KAZN: variants seen among roughly 807,000 people sequenced by gnomAD.
KAZN encodes kazrin.
In KAZN, 40 loss-of-function variants were observed where a neutral mutation model predicts 87.4. The ratio of observed to expected loss-of-function variants is 0.46; its 90% CI spans 0.36 to 0.60. The LOEUF is 0.60. Among genes scored for constraint, KAZN ranks in the 20% least tolerant of loss-of-function variants. The pLI, the probability that KAZN is intolerant of heterozygous loss-of-function variation, is 0.00. For synonymous variants in KAZN, 466 were observed against 458.3 expected, an observed-to-expected ratio of 1.02 and a Z score of -0.22; for missense variants, 898 against 1,073.9, an observed-to-expected ratio of 0.84 and a Z score of 2.29.
intron 1 of KAZN, among the ~76,000 whole-genome samples, chr1:13,925,539 A>G (rs1287684156): frequency 6.7e-6 from 1 of 150,130 alleles, no homozygotes; most frequent in Admixed American, 6.6e-5. Flanking sequence ...CCTGCGATAG[A>G]TTAAGGAATG....
intron 2 of KAZN, among the ~76,000 whole-genome samples, chr1:14,430,744 G>A (rs12130873): frequency 4.0e-4 from 61 of 152,300 alleles, no homozygotes; most frequent in African/African-American, 1.4e-3. Flanking sequence ...CTGAGCACAA[G>A]CAGCCCAGTT....
intron 2 of KAZN, among the ~76,000 whole-genome samples, chr1:15,009,593 A>G (rs2102070093): frequency 6.6e-6 from 1 of 152,336 alleles, no homozygotes; most frequent in African/African-American, 2.4e-5. Flanking sequence ...TGCAGACGGG[A>G]CAGCTGTCAG....
chr1:14,664,809 A>G (rs2148722882), intron 1 of KAZN, among the ~76,000 whole-genome samples: 1 of 151,870 alleles, frequency 6.6e-6, no homozygotes, highest in South Asian at 2.1e-4. Context: ...ACCCACCACC[A>G]CGCCTGGCTA....
chr1:14,371,578 A>T (rs1200201661), intron 2 of KAZN, among the ~76,000 whole-genome samples: 1 of 152,112 alleles, frequency 6.6e-6, no homozygotes, highest in African/African-American at 2.4e-5. Context: ...TAAAGAAGAG[A>T]GTTTCTTGGT....
chr1:14,384,849 A>T (rs1286796810), intron 2 of KAZN, among the ~76,000 whole-genome samples: 3 of 151,810 alleles, frequency 2.0e-5, no homozygotes, highest in East Asian at 1.9e-4. Flanking sequence ...TTAGGGAGGA[A>T]TCCCTCTTTT....
intron 2 of KAZN, among the ~76,000 whole-genome samples, chr1:14,368,605 A>G (rs549547541): frequency 6.6e-6 from 1 of 152,290 alleles, no homozygotes; most frequent in South Asian, 2.1e-4. Flanking sequence ...GGTAATTTAC[A>G]TAGATGGGTG....
In KAZN at chr1:14,399,087, G is replaced by A. The variant is rs139837091; in HGVS notation, c.250-199896G>A. The stretch of plus-strand genomic sequence containing the variant: ...GTCACCCAGGCTAGAGTGCAGTGGC[G>A]CAATCACAGCTCACTGCAGCCTCGA... On this transcript the variant is annotated intron_variant, in intron 2 of 16. Coordinates refer to the KAZN transcript ENST00000636203. Among the ~76,000 whole-genome samples, 330 of 152,232 alleles carry A rather than the reference G, an allele frequency of 2.2e-3. 6 individuals are homozygous for A. In the East Asian group the frequency reaches 0.051, roughly 24 times the overall value.
intron 2 of KAZN, among the ~76,000 whole-genome samples, chr1:14,584,393 G>A (rs1675727563): frequency 6.6e-6 from 1 of 152,182 alleles, no homozygotes; most frequent in African/African-American, 2.4e-5. Flanking sequence ...AGTGGCACAG[G>A]AGAGGATGAG....
At chr1:14,660,858 CT>C (rs111278145) in intron 1 of KAZN, among the ~76,000 whole-genome samples, 2 of 152,142 alleles carry the variant, frequency 1.3e-5, no homozygotes, top group African/African-American at 4.8e-5. Context: ...ACATTTTAGC[CT>C]TTGCTTTTTT....
At chr1:14,421,308 G>T (rs967617190) in intron 2 of KAZN, among the ~76,000 whole-genome samples, 13 of 152,120 alleles carry the variant, frequency 8.5e-5, no homozygotes, top group Non-Finnish European at 1.9e-4. Context: ...TCAGAATTTG[G>T]TTATTGACTC....
At chr1:14,428,946 T>G (rs1665895322) in intron 2 of KAZN, among the ~76,000 whole-genome samples, 2 of 152,048 alleles carry the variant, frequency 1.3e-5, no homozygotes, top group South Asian at 2.1e-4. Context: ...ATATTATATA[T>G]AGAACATATA....
At position 14,599,445 on chromosome 1, in the gene KAZN, G is replaced by T. The variant is rs1676772035; in HGVS notation, c.226+222G>T. On this transcript the variant is annotated intron_variant, in intron 1 of 14. Transcript: ENST00000376030. The surrounding 1 kb of genome is among the most constrained non-coding windows in gnomAD (Gnocchi z 4.4). Reference sequence around the variant, plus strand: ...AGCGCAGTGTGCACGGGGTCACACGGTCACACCGGCCCCGGCCAGCCTGAG... The same window carrying T: ...AGCGCAGTGTGCACGGGGTCACACGTTCACACCGGCCCCGGCCAGCCTGAG... 1.3e-5 allele frequency among the ~76,000 whole-genome samples: 2 copies of T among 152,170 alleles called. No individual in the cohort carries two copies. Among genetic ancestry groups the T allele is most frequent in the African/African-American group, 2.4e-5 (1 of 41,450 alleles).
At chr1:14,152,590 T>C (rs1645500759) in intron 1 of KAZN, among the ~76,000 whole-genome samples, 1 of 152,242 alleles carries the variant, frequency 6.6e-6, no homozygotes, top group African/African-American at 2.4e-5. Context: ...CACTCATCTA[T>C]TGATGGACAC....
At chr1:14,753,105 C>T (rs1186008810) in intron 1 of KAZN, among the ~76,000 whole-genome samples, 4 of 152,120 alleles carry the variant, frequency 2.6e-5, no homozygotes, top group East Asian at 1.9e-4. Context: ...GGTCAATTGC[C>T]GACTGTTTAC....
intron 1 of KAZN, among the ~76,000 whole-genome samples, chr1:14,168,679 C>T (rs1289520117): frequency 6.6e-6 from 1 of 152,158 alleles, no homozygotes; most frequent in Non-Finnish European, 1.5e-5. Flanking sequence ...TTGTCATATT[C>T]TTCAGCCCAG....
At chr1:14,796,967 T>C (rs879740028) in intron 1 of KAZN, among the ~76,000 whole-genome samples, 6 of 152,156 alleles carry the variant, frequency 3.9e-5, no homozygotes, top group Non-Finnish European at 8.8e-5. Flanking sequence ...TTGGAAGCAG[T>C]GGGTTAAGCT....
chr1:14,492,095 T>G (rs1344479526), intron 2 of KAZN, among the ~76,000 whole-genome samples: 1 of 152,202 alleles, frequency 6.6e-6, no homozygotes, highest in Admixed American at 6.5e-5. Context: ...AACTGGCCAC[T>G]GCTGTGAGCA....
chr1:14,429,480 A>C (rs1571624304), intron 2 of KAZN, among the ~76,000 whole-genome samples: 2 of 152,164 alleles, frequency 1.3e-5, no homozygotes, highest in African/African-American at 4.8e-5. Context: ...CTTACTCACC[A>C]GTTTCAAAAG....
At chr1:14,798,203 G>A (rs1197555270) in intron 1 of KAZN, among the ~76,000 whole-genome samples, 1 of 152,058 alleles carries the variant, frequency 6.6e-6, no homozygotes, top group Non-Finnish European at 1.5e-5. Context: ...AATGCAAACG[G>A]GAAAGGAGTA....
Sources: gnomAD v4.1 joint callset for allele counts (sites outside exome capture counted in the v4.1 genomes callset) on GRCh38, gnomAD v4.1.1 for gene constraint, Gnocchi (gnomAD v3.1) non-coding constraint, MANE v1.5 for transcripts, NCBI Gene and HGNC (gene_info 2026-07-23, HGNC 2026-07-21) for gene names.